Variants in NRG1 observed in about 807,000 individuals in gnomAD.
NRG1 encodes the protein pro-neuregulin-1, membrane-bound isoform.
NRG1 carries 18 observed loss-of-function variants against 63.8 expected under a neutral mutation model. The ratio of observed to expected loss-of-function variants is 0.28; its 90% CI spans 0.19 to 0.42. The LOEUF is 0.42. NRG1 is among the 10% of genes least tolerant of loss of function. The pLI is 1.00. For missense variants in NRG1, 762 were observed against 814.7 expected (o/e 0.94, Z 0.79); for synonymous variants, 302 against 301.3 (o/e 1.00, Z -0.02).
chr8:32,714,304 A>G (rs753912612), intron 5 of NRG1, among the ~76,000 whole-genome samples: 1 of 152,258 alleles, frequency 6.6e-6, no homozygotes, highest in Non-Finnish European at 1.5e-5. Flanking sequence ...CAGACAAATG[A>G]ACAAAATGGC....
intron 1 of NRG1, among the ~76,000 whole-genome samples, chr8:31,819,805 C>T (rs1237464262): frequency 1.3e-5 from 2 of 152,072 alleles, no homozygotes; most frequent in African/African-American, 4.8e-5. Flanking sequence ...CCTAATTAGC[C>T]CCTTAACTGT....
chr8:32,530,308 C>T (rs1357201647), intron 1 of NRG1, among the ~76,000 whole-genome samples: 2 of 151,980 alleles, frequency 1.3e-5, no homozygotes, highest in Non-Finnish European at 2.9e-5. Context: ...GGGGTTTCAC[C>T]GTGTTAGCCA....
intron 1 of NRG1, among the ~76,000 whole-genome samples, chr8:31,663,891 A>G (rs1263801406): frequency 6.6e-6 from 1 of 152,148 alleles, no homozygotes; most frequent in East Asian, 1.9e-4. Flanking sequence ...TGAGAGAGAA[A>G]GCAAAGAGAG....
chr8:31,728,065 A>G (rs1056908705), intron 1 of NRG1, among the ~76,000 whole-genome samples: 6 of 152,212 alleles, frequency 3.9e-5, no homozygotes, highest in African/African-American at 1.4e-4. Context: ...TGGATAATTT[A>G]AAAATTAGGA....
At chr8:32,375,260 G>A (rs964943713) in intron 1 of NRG1, among the ~76,000 whole-genome samples, 5 of 151,924 alleles carry the variant, frequency 3.3e-5, no homozygotes, top group African/African-American at 1.2e-4. Flanking sequence ...TTACAGGTGC[G>A]AGCCACCGTG....
chr8:31,730,674 TTATA>T, intron 1 of NRG1, among the ~76,000 whole-genome samples: 1 of 152,130 alleles, frequency 6.6e-6, no homozygotes, highest in East Asian at 1.9e-4. Flanking sequence ...TGGAGCATTT[TTATA>T]CTCTTGCAGT....
chr8:32,090,709 A>G (rs1829003592), intron 1 of NRG1, among the ~76,000 whole-genome samples: 1 of 152,200 alleles, frequency 6.6e-6, no homozygotes, highest in Non-Finnish European at 1.5e-5. Flanking sequence ...CTTCTGAGCC[A>G]ACTCCTTCCT....
At chr8:31,722,050 A>T (rs1350963070) in intron 1 of NRG1, among the ~76,000 whole-genome samples, 8 of 152,028 alleles carry the variant, frequency 5.3e-5, no homozygotes, top group African/African-American at 1.9e-4. Context: ...GTCAAACCTG[A>T]TTAGTCATTC....
chr8:32,564,503 T>G (rs1247566373), intron 1 of NRG1, among the ~76,000 whole-genome samples: 2 of 152,226 alleles, frequency 1.3e-5, no homozygotes, highest in African/African-American at 4.8e-5. Flanking sequence ...GGTAATAAAG[T>G]TAAAAGCTGC....
At chr8:31,850,453 A>G (rs1827106094) in intron 1 of NRG1, among the ~76,000 whole-genome samples, 3 of 152,182 alleles carry the variant, frequency 2.0e-5, no homozygotes, top group Non-Finnish European at 4.4e-5. Context: ...GGTCCATGGC[A>G]ACTGAAAAAC....
At chr8:31,641,674 T>C (rs1164694981) in intron 1 of NRG1, 1 of 152,238 alleles carries the variant, frequency 6.6e-6, no homozygotes, top group Non-Finnish European at 1.5e-5. Flanking sequence ...TACTATATAA[T>C]CACTAACACA....
chr8:32,193,340 TCA>T lies in NRG1; in HGVS notation c.38-402487_38-402486del. Among the ~76,000 whole-genome samples, 2 of 151,430 alleles carry T rather than the reference TCA, an allele frequency of 1.3e-5. 1 individual carries two copies. On this transcript the variant is annotated intron_variant, in intron 1 of 10. Transcript: ENST00000519301. ...TGTGTGTGTGTGTGTGTAATTCTCC[TCA>T]GTGTCAGGGTGATAGATTATGCCCA... is the stretch of plus-strand genomic sequence containing the variant.
chr8:31,775,882 CAAAAAAAAAAAAAA>C (rs71208140), intron 1 of NRG1, among the ~76,000 whole-genome samples: 1 of 72,202 alleles, frequency 1.4e-5, no homozygotes, highest in Non-Finnish European at 2.5e-5. Context: ...GACTCCGTCT[CAAAAAAAAAAAAAA>C]AAAAAAAAAA....
At chr8:32,406,713 C>CT (rs34402334) in intron 1 of NRG1, among the ~76,000 whole-genome samples, 3,168 of 150,658 alleles carry the variant, frequency 0.021, 110 homozygotes, top group African/African-American at 0.073. Flanking sequence ...TCTCTTCGTC[C>CT]TTTTTTTTTA....
chr8:32,551,910 C>CTTT (rs34051371), intron 1 of NRG1, among the ~76,000 whole-genome samples: 37 of 112,160 alleles, frequency 3.3e-4, no homozygotes, highest in South Asian at 9.2e-4. Context: ...AAAACCAGAG[C>CTTT]TTTTTTTTTT....
intron 1 of NRG1, among the ~76,000 whole-genome samples, chr8:32,238,550 C>T (rs1586301474): frequency 6.6e-6 from 1 of 151,926 alleles, no homozygotes; most frequent in South Asian, 2.1e-4. Context: ...ACTACTGAGG[C>T]TCAGGTGTCC....
intron 1 of NRG1, among the ~76,000 whole-genome samples, chr8:32,094,926 T>C (rs1316338398): frequency 7.9e-5 from 12 of 151,622 alleles, no homozygotes; most frequent in African/African-American, 2.4e-4. Flanking sequence ...TTTTTTTTTT[T>C]TTTTGAGATG....
At chr8:31,748,541 T>C (rs1816125775) in intron 1 of NRG1, among the ~76,000 whole-genome samples, 1 of 151,930 alleles carries the variant, frequency 6.6e-6, no homozygotes, top group Non-Finnish European at 1.5e-5. Flanking sequence ...CAAACACAAA[T>C]TTTTATTTTT....
At chr8:32,218,628 G>A (rs1477893085) in intron 1 of NRG1, among the ~76,000 whole-genome samples, 4 of 152,112 alleles carry the variant, frequency 2.6e-5, no homozygotes, top group African/African-American at 9.7e-5. Flanking sequence ...GAGAAGCAGC[G>A]GCTTTCATAC....
Sources: allele counts gnomAD v4.1 joint callset (sites outside exome capture counted in the v4.1 genomes callset), GRCh38; gene constraint gnomAD v4.1.1; transcripts MANE v1.5; gene names NCBI Gene and HGNC (gene_info 2026-07-23, HGNC 2026-07-21).